The following CALN1 variants were observed in gnomAD, a reference collection of about 807,000 sequenced individuals.
CALN1 encodes the protein calcium-binding protein 8.
In CALN1, 17 loss-of-function variants were observed where a neutral mutation model predicts 30.6. The observed-to-expected ratio is 0.56, with a 90% confidence interval of 0.38 to 0.83. The LOEUF (loss-of-function observed/expected upper bound fraction) is 0.83. Ranked by LOEUF, CALN1 falls within the 40% of genes least tolerant of loss-of-function variation. The probability of loss-of-function intolerance (pLI) is 0.00; values close to 1 mark genes in which losing one functional copy is unlikely to be tolerated. For synonymous variants in CALN1, 156 were observed against 131.4 expected (o/e 1.19, Z -1.28); for missense variants, 291 against 354.9 (o/e 0.82, Z 1.45).
intron 1 of CALN1, among the ~76,000 whole-genome samples, chr7:72,434,362 A>C (rs1163342141): frequency 5.3e-5 from 8 of 150,508 alleles, no homozygotes; most frequent in African/African-American, 9.8e-5. Flanking sequence ...AAAAAAAAAA[A>C]CAAAAAAAAA....
intron 2 of CALN1, among the ~76,000 whole-genome samples, chr7:72,349,618 T>G (rs527257216): frequency 8.5e-4 from 129 of 152,348 alleles, no homozygotes; most frequent in African/African-American, 3.0e-3. Flanking sequence ...TTTAATGTGC[T>G]GAAATTGAAA....
intron 5 of CALN1, among the ~76,000 whole-genome samples, chr7:71,893,326 C>T (rs895574650): frequency 1.3e-5 from 2 of 152,078 alleles, no homozygotes; most frequent in African/African-American, 4.8e-5. Flanking sequence ...ATTGTCTGGC[C>T]CAAAATGTCA....
chr7:72,352,187 A>C (rs1486917150), intron 2 of CALN1, among the ~76,000 whole-genome samples: 3 of 145,434 alleles, frequency 2.1e-5, no homozygotes, highest in Admixed American at 6.8e-5. Context: ...AACAAACAAA[A>C]AAAACCACTT....
At chr7:72,142,428 G>T (rs181605915) in intron 3 of CALN1, among the ~76,000 whole-genome samples, 44 of 152,284 alleles carry the variant, frequency 2.9e-4, no homozygotes, top group African/African-American at 1.0e-3. Flanking sequence ...TGGGGGAGGG[G>T]CACCTGCCAT....
intron 2 of CALN1, among the ~76,000 whole-genome samples, chr7:72,298,942 A>G: frequency 6.6e-6 from 1 of 152,036 alleles, no homozygotes; most frequent in East Asian, 1.9e-4. Context: ...GCCATGTAGA[A>G]CTGTAAGCCC....
At chr7:71,967,543 C>T (rs1797585890) in intron 5 of CALN1, among the ~76,000 whole-genome samples, 2 of 150,078 alleles carry the variant, frequency 1.3e-5, no homozygotes, top group South Asian at 4.2e-4. Context: ...GTGGAAAAAT[C>T]GCTTGAGCCC....
chr7:72,390,380 G>T (rs995414629), intron 2 of CALN1, among the ~76,000 whole-genome samples: 1 of 151,870 alleles, frequency 6.6e-6, no homozygotes, highest in African/African-American at 2.4e-5. Flanking sequence ...GTAGTGAGCC[G>T]AGATCACGCC....
chr7:72,448,076 C>T (rs1808579118), upstream of CALN1, among the ~76,000 whole-genome samples: 1 of 151,796 alleles, frequency 6.6e-6, no homozygotes, highest in Non-Finnish European at 1.5e-5. Context: ...ACATGCCTGA[C>T]ATACCACACA....
At chr7:72,238,636 T>C (rs941407229) in intron 3 of CALN1, among the ~76,000 whole-genome samples, 3 of 152,096 alleles carry the variant, frequency 2.0e-5, no homozygotes, top group Non-Finnish European at 2.9e-5. Flanking sequence ...GTTGTTCTCA[T>C]GATAGTGAGT....
chr7:72,178,620 C>CGGA (rs1789541690), intron 3 of CALN1, among the ~76,000 whole-genome samples: 2 of 151,032 alleles, frequency 1.3e-5, no homozygotes, highest in South Asian at 4.2e-4. Flanking sequence ...ACTCGGGAGG[C>CGGA]GGAGGTTGCA....
chr7:72,049,312 A>T (rs1395227957), intron 4 of CALN1, among the ~76,000 whole-genome samples: 2 of 152,206 alleles, frequency 1.3e-5, no homozygotes, highest in Non-Finnish European at 2.9e-5. Flanking sequence ...ACTTTACAAG[A>T]GAGAAAGACA....
At chr7:72,310,469 A>C (rs1328180399) in intron 2 of CALN1, among the ~76,000 whole-genome samples, 1 of 151,502 alleles carries the variant, frequency 6.6e-6, no homozygotes, top group African/African-American at 2.4e-5. Flanking sequence ...GCAGAACAAA[A>C]GGAATCTTGG....
chr7:71,995,220 C>T (rs73366283), intron 5 of CALN1, among the ~76,000 whole-genome samples: 5,307 of 152,240 alleles, frequency 0.035, 299 homozygotes, highest in African/African-American at 0.12. Context: ...CTGGTCCTTA[C>T]TGTACACGTG....
At chr7:71,965,087 G>C (rs1472409267) in intron 5 of CALN1, among the ~76,000 whole-genome samples, 1 of 152,092 alleles carries the variant, frequency 6.6e-6, no homozygotes, top group Admixed American at 6.5e-5. Flanking sequence ...GAGTGCAGTG[G>C]TGCCATCGTA....
chr7:71,865,778 AC>A (rs1791548963), intron 5 of CALN1, among the ~76,000 whole-genome samples: 1 of 152,142 alleles, frequency 6.6e-6, no homozygotes, highest in South Asian at 2.1e-4. Flanking sequence ...ATTTAACTAT[AC>A]ATTTGGATTT....
At chr7:71,818,671 AT>A (rs1192192622) in intron 5 of CALN1, among the ~76,000 whole-genome samples, 2 of 138,838 alleles carry the variant, frequency 1.4e-5, no homozygotes, top group Non-Finnish European at 3.1e-5. Flanking sequence ...TGACCAGCTT[AT>A]TTTATTTATT....
At chr7:72,067,003 G>T (rs1804068665) in intron 4 of CALN1, among the ~76,000 whole-genome samples, 1 of 151,268 alleles carries the variant, frequency 6.6e-6, no homozygotes, top group Non-Finnish European at 1.5e-5. Context: ...TGCCCAGGGT[G>T]GTTTTGAACT....
chr7:72,146,536 T>C (rs564115790), intron 3 of CALN1, among the ~76,000 whole-genome samples: 1 of 152,284 alleles, frequency 6.6e-6, no homozygotes, highest in South Asian at 2.1e-4. Flanking sequence ...AAAATGGCCA[T>C]ACAGCCTAAG....
Position 72,275,356 on chromosome 7 carries a change from C to CTG in CALN1, c.244+3328_244+3329dup, listed in dbSNP as rs773043503. Among the ~76,000 whole-genome samples the CTG allele has an allele frequency of 7.2e-5, 11 of 152,244 alleles. No homozygotes were observed. In the East Asian group the frequency reaches 2.1e-3, roughly 30 times the overall value. On this transcript the variant is annotated intron_variant, in intron 3 of 6. Coordinates refer to ENST00000395275, the MANE Select transcript of CALN1 (RefSeq NM_031468.4). ...CAGCAAGCAAACTATGCCCTGGAAACTGGCTTCCCCAACACCAATCCATAG... is the reference window on the plus strand; with the variant it reads ...CAGCAAGCAAACTATGCCCTGGAAACTGTGGCTTCCCCAACACCAATCCATAG...
Sources: allele counts gnomAD v4.1 joint callset (sites outside exome capture counted in the v4.1 genomes callset), GRCh38; gene constraint gnomAD v4.1.1; transcripts MANE v1.5; gene names NCBI Gene and HGNC (gene_info 2026-07-23, HGNC 2026-07-21).